ESR1: variants seen among roughly 807,000 people sequenced by gnomAD.
ESR1 encodes estrogen receptor 1.
A neutral mutation model predicts 52.7 loss-of-function variants in ESR1; 12 were observed. The observed-to-expected ratio is 0.23, with a 90% CI of 0.15 to 0.37. The LOEUF (loss-of-function observed/expected upper bound fraction) is 0.37. Among genes scored for constraint, ESR1 ranks in the 10% least tolerant of loss-of-function variants. The probability of loss-of-function intolerance (pLI) is 1.00; values close to 1 mark genes in which losing one functional copy is unlikely to be tolerated. For missense variants in ESR1, 584 were observed against 779.7 expected (o/e 0.75, Z 2.99); for synonymous variants, 305 against 316.8 (o/e 0.96, Z 0.39).
At chr6:151,695,855 CT>C (rs1188031909) in intron 1 of ESR1, among the ~76,000 whole-genome samples, 2 of 152,148 alleles carry the variant, frequency 1.3e-5, no homozygotes, top group Non-Finnish European at 2.9e-5. Context: ...GTTTTAGTAT[CT>C]TTCACCTTAA....
Position 151,859,538 on chromosome 6 carries a change from A to G in ESR1, c.643+16751A>G, listed in dbSNP as rs115996198. On this transcript the variant is annotated intron_variant, in intron 2 of 7. Coordinates refer to ENST00000206249, the MANE Select transcript of ESR1 (RefSeq NM_000125.4). ...ACCAGACCTTAGTGATCACAGACCC[A>G]GGGACTCAGACCCTGTGAGGACCTT... Among the ~76,000 whole-genome samples, 1,377 of 152,262 alleles carry G rather than the reference A, an allele frequency of 9.0e-3. 21 individuals are homozygous for G. Among genetic ancestry groups the G allele is most frequent in the African/African-American group, 0.031 (1,302 of 41,546 alleles).
chr6:152,126,283 G>C (rs2053412694), exon 7 of ESR1: 1 of 152,154 alleles, frequency 6.6e-6, no homozygotes, highest in Non-Finnish European at 1.5e-5. Context: ...CATGCCCAAA[G>C]CTGCCTCATC....
Position 151,901,504 on chromosome 6 carries a change from C to T in ESR1, c.760+20733C>T, listed in dbSNP as rs569514977. Among the ~76,000 whole-genome samples, 4 of 152,314 alleles carry T rather than the reference C, an allele frequency of 2.6e-5. No individual in the cohort carries two copies. In the East Asian group the frequency reaches 7.7e-4, roughly 29 times the overall value. ...GTTACAAAGTTCAGCTGGAGGTTTC[C>T]TTCTCGCTGTGGTCTTTTCCCAGTT... On this transcript the variant is annotated intron_variant, in intron 3 of 7. Coordinates refer to ENST00000206249, the MANE Select transcript of ESR1 (RefSeq NM_000125.4).
At chr6:151,735,502 C>T (rs1562365921) in intron 2 of ESR1, among the ~76,000 whole-genome samples, 2 of 152,132 alleles carry the variant, frequency 1.3e-5, no homozygotes, top group Admixed American at 6.5e-5. Flanking sequence ...GAGATGGTCC[C>T]CTCCTAGAAG....
chr6:151,911,154 G>T (rs763616427), intron 3 of ESR1, among the ~76,000 whole-genome samples: 40 of 152,182 alleles, frequency 2.6e-4, no homozygotes, highest in Non-Finnish European at 5.3e-4. Context: ...TGGCCTGGGG[G>T]CTGGGGAGTC....
chr6:151,684,417 G>A (rs1778576728), intron 1 of ESR1, among the ~76,000 whole-genome samples: 1 of 152,172 alleles, frequency 6.6e-6, no homozygotes, highest in Admixed American at 6.5e-5. Flanking sequence ...CGGTGAGGAT[G>A]ATTAATCGGG....
chr6:151,935,668 G>T (rs543628088), intron 3 of ESR1, among the ~76,000 whole-genome samples: 1 of 152,254 alleles, frequency 6.6e-6, no homozygotes, highest in Non-Finnish European at 1.5e-5. Context: ...TAGGACGGCA[G>T]CTAAGATGCT....
chr6:152,066,940 G>C (rs746963595), intron 6 of ESR1, among the ~76,000 whole-genome samples: 2 of 152,220 alleles, frequency 1.3e-5, no homozygotes, highest in Admixed American at 6.5e-5. Flanking sequence ...TGACCAGTTA[G>C]TAAAGCATCT....
intron 3 of ESR1, among the ~76,000 whole-genome samples, chr6:151,920,209 C>T (rs1019333259): frequency 4.0e-5 from 6 of 151,804 alleles, no homozygotes; most frequent in Non-Finnish European, 5.9e-5. Flanking sequence ...AACATAGCAG[C>T]ATGAATGGTA....
chr6:151,788,199 G>A (rs1043329518), intron 2 of ESR1, among the ~76,000 whole-genome samples: 1 of 152,150 alleles, frequency 6.6e-6, no homozygotes, highest in African/African-American at 2.4e-5. Flanking sequence ...GAAAATTTTT[G>A]CAAACTATGC....
chr6:152,112,465 G>A (rs914255029), intron 6 of ESR1, among the ~76,000 whole-genome samples: 1 of 152,118 alleles, frequency 6.6e-6, no homozygotes. Flanking sequence ...GGATATTTAG[G>A]CCTCTGGAGT....
intron 3 of ESR1, among the ~76,000 whole-genome samples, chr6:151,921,645 A>G (rs1387373236): frequency 2.0e-5 from 3 of 152,114 alleles, no homozygotes; most frequent in Non-Finnish European, 4.4e-5. Flanking sequence ...CTGGTGTGAG[A>G]TGGTATCTCA....
intron 4 of ESR1, among the ~76,000 whole-genome samples, chr6:151,981,971 T>C (rs2040030960): frequency 6.6e-6 from 1 of 152,274 alleles, no homozygotes; most frequent in Admixed American, 6.5e-5. Context: ...ATTTTCATCC[T>C]CTACATAGTG....
At chr6:151,977,318 A>G (rs71549133) in intron 4 of ESR1, among the ~76,000 whole-genome samples, 188 of 152,204 alleles carry the variant, frequency 1.2e-3, no homozygotes, top group Non-Finnish European at 2.1e-3. Flanking sequence ...AATGGTAACA[A>G]CACTTGTCTC....
rs145770709 is a variant in ESR1 at position 151,722,568 on chromosome 6, A to G, written c.-71+20563A>G. Among the ~76,000 whole-genome samples the G allele has an allele frequency of 2.4e-4, 36 of 152,358 alleles. 1 individual carries two copies. The highest frequency in any genetic ancestry group is 8.7e-4 in the African/African-American group (36 of 41,592). ...TGCACTGACACGGCTGAGAGTCTCCAAAACCATTGTCTTTCCTTAAAACAG... is the reference window on the plus strand; with the variant it reads ...TGCACTGACACGGCTGAGAGTCTCCGAAACCATTGTCTTTCCTTAAAACAG... On this transcript the variant is annotated intron_variant, in intron 2 of 2. Transcript: ENST00000404742.
intron 3 of ESR1, among the ~76,000 whole-genome samples, chr6:151,904,474 G>A (rs1048913398): frequency 2.0e-5 from 3 of 151,968 alleles, no homozygotes; most frequent in African/African-American, 7.3e-5. Context: ...TTGTTTCGTG[G>A]GGGATTCAAA....
chr6:151,850,092 A>ATGCATATAAAATAATATATATATATT (rs1437004141), intron 2 of ESR1, among the ~76,000 whole-genome samples: 1 of 14,946 alleles, frequency 6.7e-5, no homozygotes, highest in Non-Finnish European at 1.5e-4. Flanking sequence ...ATATATATAT[A>ATGCATATAAAATAATATATATATATT]ATTTTATATA....
chr6:151,880,797 T>G, intron 3 of ESR1, 26 bp downstream of exon 3: 2 of 1,239,564 alleles, frequency 1.6e-6, no homozygotes, highest in Non-Finnish European at 2.4e-6. Flanking sequence ...CCAGGGGCCC[T>G]TGGGGATGGC....
chr6:151,793,639 T>G (rs555519775), intron 2 of ESR1, among the ~76,000 whole-genome samples: 1 of 152,276 alleles, frequency 6.6e-6, no homozygotes, highest in East Asian at 1.9e-4. Flanking sequence ...AGCTACAATG[T>G]CAGGAGGCAA....
Sources: allele counts gnomAD v4.1 joint callset (sites outside exome capture counted in the v4.1 genomes callset), GRCh38; gene constraint gnomAD v4.1.1; transcripts MANE v1.5; gene names NCBI Gene and HGNC (gene_info 2026-07-23, HGNC 2026-07-21).